The following AGAP1 variants were observed in gnomAD, a reference collection of about 807,000 sequenced individuals.
AGAP1 encodes arf-GAP with GTPase, ANK repeat and PH domain-containing protein 1.
A neutral mutation model predicts 105.3 loss-of-function variants in AGAP1; 29 were observed. That is an observed-to-expected ratio of 0.28 (90% CI 0.21 to 0.38). The LOEUF (loss-of-function observed/expected upper bound fraction) is 0.38, where lower values mean the gene tolerates loss of function less well. Among genes scored for constraint, AGAP1 ranks in the 10% least tolerant of loss-of-function variants. AGAP1 has a pLI of 1.00. For missense variants in AGAP1, 998 were observed against 1,165.1 expected (o/e 0.86, Z 2.09); for synonymous variants, 509 against 485.9 (o/e 1.05, Z -0.63).
chr2:235,833,205 C>T (rs1347353047), intron 9 of AGAP1, among the ~76,000 whole-genome samples: 1 of 152,202 alleles, frequency 6.6e-6, no homozygotes, highest in Non-Finnish European at 1.5e-5. Context: ...GTGGAAGCAC[C>T]GTCGGCCTGC....
chr2:235,758,801 T>G (rs1273184531), intron 6 of AGAP1, among the ~76,000 whole-genome samples: 1 of 152,104 alleles, frequency 6.6e-6, no homozygotes, highest in Non-Finnish European at 1.5e-5. Context: ...CGTGTTGTTT[T>G]TGTTTTGTTT....
At chr2:235,682,806 G>T (rs971382510) in intron 1 of AGAP1, among the ~76,000 whole-genome samples, 68 of 151,714 alleles carry the variant, frequency 4.5e-4, no homozygotes, top group Non-Finnish European at 7.9e-4. Flanking sequence ...ACGTGTGTGT[G>T]TGTGTGTGTG....
At chr2:235,503,973 C>T (rs914101474) in intron 1 of AGAP1, among the ~76,000 whole-genome samples, 6 of 152,174 alleles carry the variant, frequency 3.9e-5, no homozygotes, top group African/African-American at 1.4e-4. Context: ...TGAAGCCTTG[C>T]TTTCCTGAAG....
At chr2:235,554,836 AT>A (rs1430586553) in intron 1 of AGAP1, among the ~76,000 whole-genome samples, 1 of 151,862 alleles carries the variant, frequency 6.6e-6, no homozygotes, top group African/African-American at 2.4e-5. Flanking sequence ...TGCCTGACTA[AT>A]TTTTGTGTTT....
intron 8 of AGAP1, among the ~76,000 whole-genome samples, chr2:235,805,833 C>T (rs752857803): frequency 6.6e-6 from 1 of 152,208 alleles, no homozygotes. Flanking sequence ...CCTGTCATCT[C>T]ATTCTAGGCA....
rs951030230 is a variant in AGAP1 at position 235,915,595 on chromosome 2, G to T, written c.1324+6689G>T. ...AGACTGAGGTGGGAGAATAGCTTGAGCCCAAGAGGTCAAGGCTGCAGTGAG... is the reference window on the plus strand; with the variant it reads ...AGACTGAGGTGGGAGAATAGCTTGATCCCAAGAGGTCAAGGCTGCAGTGAG... On this transcript the variant is annotated intron_variant, in intron 11 of 17. Coordinates refer to ENST00000304032, the MANE Select transcript of AGAP1 (RefSeq NM_001037131.3). Among the ~76,000 whole-genome samples, 4 of 152,142 alleles carry T rather than the reference G, an allele frequency of 2.6e-5. No individual in the cohort carries two copies. The South Asian group carries it at 6.2e-4, about 24-fold the overall frequency.
chr2:235,564,109 A>G (rs1341202780), intron 1 of AGAP1, among the ~76,000 whole-genome samples: 2 of 152,150 alleles, frequency 1.3e-5, no homozygotes, highest in African/African-American at 2.4e-5. Flanking sequence ...GCTTTTGTCA[A>G]TGTACGTTTT....
chr2:235,999,490 A>C (rs1182822540), intron 13 of AGAP1, among the ~76,000 whole-genome samples: 1 of 124,578 alleles, frequency 8.0e-6, no homozygotes, highest in Admixed American at 8.0e-5. Context: ...CGATGGTGAG[A>C]GGTGGTGGTG....
At chr2:236,102,417 C>CAAAAA (rs34989933) in intron 16 of AGAP1, among the ~76,000 whole-genome samples, 4 of 66,212 alleles carry the variant, frequency 6.0e-5, no homozygotes, top group Non-Finnish European at 1.1e-4. Flanking sequence ...GACTCCATCT[C>CAAAAA]AAAAAAAAAA....
chr2:235,589,199 T>G (rs962451813), intron 1 of AGAP1, among the ~76,000 whole-genome samples: 9 of 98,748 alleles, frequency 9.1e-5, no homozygotes, highest in East Asian at 1.3e-3. Context: ...GTTTTGTTTT[T>G]TTTTTTTTTT....
intron 1 of AGAP1, among the ~76,000 whole-genome samples, chr2:235,706,217 G>GTTTGTTTGTTTGT (rs1553610421): frequency 3.3e-5 from 5 of 150,192 alleles, no homozygotes; most frequent in African/African-American, 1.2e-4. Context: ...GTTTTGTTTT[G>GTTTGTTTGTTTGT]TTTGTTTGTT....
intron 10 of AGAP1, among the ~76,000 whole-genome samples, chr2:235,890,192 A>T (rs2050469436): frequency 7.6e-6 from 1 of 131,918 alleles, no homozygotes; most frequent in African/African-American, 2.9e-5. Context: ...AGACAGTCTT[A>T]CTCTGTCCCC....
At chr2:235,833,088 GAC>G (rs1249607648) in intron 9 of AGAP1, among the ~76,000 whole-genome samples, 3 of 148,380 alleles carry the variant, frequency 2.0e-5, no homozygotes, top group Non-Finnish European at 4.5e-5. Flanking sequence ...TGGTAGAAGA[GAC>G]AAGCCGGAGA....
intron 11 of AGAP1, among the ~76,000 whole-genome samples, chr2:235,929,376 G>A (rs903147665): frequency 1.5e-4 from 23 of 152,192 alleles, no homozygotes; most frequent in African/African-American, 5.3e-4. Flanking sequence ...GTGGCTTTCC[G>A]ATCCTTCCTT....
rs1947904411 is a variant in AGAP1, at chr2:235,660,244, A to T, written c.164-48935A>T. On this transcript the variant is annotated intron_variant, in intron 1 of 17. Transcript: ENST00000304032. The surrounding 1 kb of genome is among the most constrained non-coding windows in gnomAD (Gnocchi z 5.3). ...CTCTTCTCTGTGTCTTTCCCTAACC[A>T]CTGGAGACTTCATAGATAAACTTGC... Among the ~76,000 whole-genome samples the T allele has an allele frequency of 6.6e-6, 1 of 152,104 alleles. No individual in the cohort carries two copies. Among genetic ancestry groups the T allele is most frequent in the South Asian group, 2.1e-4 (1 of 4,824 alleles).
chr2:236,066,767 T>A (rs2058356918), intron 16 of AGAP1, among the ~76,000 whole-genome samples: 1 of 152,214 alleles, frequency 6.6e-6, no homozygotes, highest in South Asian at 2.1e-4. Flanking sequence ...ATCAATAATA[T>A]TCCTATCACC....
At chr2:235,709,444 A>G (rs1454214432) in intron 2 of AGAP1, among the ~76,000 whole-genome samples, 2 of 152,142 alleles carry the variant, frequency 1.3e-5, no homozygotes, top group Admixed American at 6.5e-5. Flanking sequence ...TATGACAGCC[A>G]TGACTGCCAC....
rs2054345170 is a variant in AGAP1 at position 235,965,285 on chromosome 2, C to T, written c.1484-3177C>T. On this transcript the variant is annotated intron_variant, in intron 12 of 17. Transcript: ENST00000304032. The surrounding 1 kb of genome is among the most constrained non-coding windows in gnomAD (Gnocchi z 5.8). Reference sequence around the variant, plus strand: ...CCAAGCCTGGAACTGGTGTTGGTGTCATGCACATGGAGAATGCCCCTGTGG... The same window carrying T: ...CCAAGCCTGGAACTGGTGTTGGTGTTATGCACATGGAGAATGCCCCTGTGG... Among the ~76,000 whole-genome samples, 1 of 152,138 alleles carries T rather than the reference C, an allele frequency of 6.6e-6. No individual in the cohort carries two copies. The highest frequency in any genetic ancestry group is 1.5e-5 in the Non-Finnish European group (1 of 68,032).
chr2:235,763,337 A>G (rs1052467195), intron 6 of AGAP1, among the ~76,000 whole-genome samples: 3 of 152,072 alleles, frequency 2.0e-5, no homozygotes, highest in African/African-American at 7.2e-5. Flanking sequence ...GTTTCCAAGC[A>G]TTTTGGACAA....
Sources: allele counts gnomAD v4.1 joint callset (sites outside exome capture counted in the v4.1 genomes callset), GRCh38; gene constraint gnomAD v4.1.1; non-coding constraint Gnocchi (gnomAD v3.1); transcripts MANE v1.5; gene names NCBI Gene and HGNC (gene_info 2026-07-23, HGNC 2026-07-21).